Variants in DHX29 observed in about 807,000 individuals in gnomAD.
DHX29 encodes DExH-box helicase 29.
A neutral mutation model predicts 167.9 loss-of-function variants in DHX29; 79 were observed. The ratio of observed to expected loss-of-function variants is 0.47; its 90% CI spans 0.39 to 0.57. The LOEUF (loss-of-function observed/expected upper bound fraction) is 0.57, where lower values mean the gene tolerates loss of function less well. Ranked by LOEUF, DHX29 falls within the 20% of genes least tolerant of loss-of-function variation. The pLI, the probability that DHX29 is intolerant of heterozygous loss-of-function variation, is 0.00. For missense variants in DHX29, 1,347 were observed against 1,593.4 expected (o/e 0.85, Z 2.63); for synonymous variants, 530 against 546.0 (o/e 0.97, Z 0.41).
chr5:55,267,609 A>G, intron 22 of DHX29, 77 bp downstream of exon 22: 1 of 1,292,152 alleles, frequency 7.7e-7, no homozygotes, highest in Non-Finnish European at 1.0e-6. Context: ...CAATTTTAAT[A>G]AGTCAAAGGT....
In DHX29 at chr5:55,272,124, C is replaced by T. The variant is rs1309248274; in HGVS notation, c.2827G>A (p.Val943Ile). The T allele has an allele frequency of 3.8e-6, 6 of 1,581,822 alleles. No individual in the cohort carries two copies. The highest frequency in any genetic ancestry group is 1.4e-5 in the African/African-American group (1 of 72,934). ...GTTCTTCCAGTATCAATTACAAATA[C>T]AACATCAGGAATAGTGATACCCGTC... Reference protein sequence around the residue: ...AETGITIPDVVFVIDTGRTKE... With the variant: ...AETGITIPDVIFVIDTGRTKE... Residue 943 changes from valine (V) to isoleucine (I), a missense_variant, in exon 18 of 27, where the codon GTA becomes ATA. By Grantham distance (29) the Val-to-Ile change is conservative (BLOSUM62 3). Around this residue, in one of 3 missense-constraint regions of DHX29, gnomAD observed 882 missense variants for 1,082.4 expected, o/e 0.81. Coordinates refer to ENST00000251636, the MANE Select transcript of DHX29 (RefSeq NM_019030.4).
At chr5:55,272,040 C>A in intron 18 of DHX29, 47 bp downstream of exon 18, 1 of 1,141,882 alleles carries the variant, frequency 8.8e-7, no homozygotes, top group Non-Finnish European at 1.3e-6. Context: ...AGAGCCCCAA[C>A]CTCTTTCCAG....
chr5:55,281,291 ATGTTATCTAGTAT>A, intron 12 of DHX29, 68 bp downstream of exon 12: 1 of 1,203,792 alleles, frequency 8.3e-7, no homozygotes, highest in Non-Finnish European at 1.1e-6. Flanking sequence ...CATAAAGAAA[ATGTTATCTAGTAT>A]TAGGAGTAAC....
chr5:55,269,535 C>T lies in DHX29; in HGVS notation c.3172G>A (p.Ala1058Thr). The T allele has an allele frequency of 3.7e-6, 6 of 1,614,104 alleles. No homozygotes were observed. Among genetic ancestry groups the T allele is most frequent in the Non-Finnish European group, 4.2e-6 (5 of 1,180,026 alleles). Residue 1058 changes from alanine to threonine, a missense_variant, in exon 21 of 27, where the codon GCT (alanine) becomes ACT (threonine). Coordinates refer to ENST00000251636, the MANE Select transcript of DHX29 (RefSeq NM_019030.4). ...AGTTTAGGCTCATTTAATTCACAAG[C>T]TCCAATTTTTCGGAGCAAATTCATT... Reference protein sequence around the residue: ...NAMNLLRKIGACELNEPKLTP... With the variant: ...NAMNLLRKIGTCELNEPKLTP...
chr5:55,266,523 G>C (rs528849433), intron 23 of DHX29, among the ~76,000 whole-genome samples: 2 of 150,310 alleles, frequency 1.3e-5, no homozygotes, highest in South Asian at 4.2e-4. Flanking sequence ...TGGTCAGGCT[G>C]GTCTCAAACT....
At chr5:55,273,990 A>G (rs1421208080) in intron 16 of DHX29, among the ~76,000 whole-genome samples, 3 of 151,558 alleles carry the variant, frequency 2.0e-5, no homozygotes, top group African/African-American at 7.3e-5. Flanking sequence ...GGGGAGGTTG[A>G]GGCAGGAGAA....
At chr5:55,271,434 C>T (rs1429413455) in intron 18 of DHX29, among the ~76,000 whole-genome samples, 2 of 152,142 alleles carry the variant, frequency 1.3e-5, no homozygotes, top group African/African-American at 4.8e-5. Context: ...AGTTCGAGAC[C>T]AGCCTGGCCA....
chr5:55,269,205 T>C (rs542956117), intron 21 of DHX29, among the ~76,000 whole-genome samples: 4 of 147,448 alleles, frequency 2.7e-5, no homozygotes, highest in Non-Finnish European at 4.5e-5. Flanking sequence ...GATTGCACCA[T>C]TGCTCCCCAG....
chr5:55,304,997 T>C (rs1430294864), intron 1 of DHX29, among the ~76,000 whole-genome samples: 1 of 152,236 alleles, frequency 6.6e-6, no homozygotes, highest in East Asian at 1.9e-4. Flanking sequence ...CTAGTTTTTT[T>C]CTCTTGATTT....
intron 3 of DHX29, among the ~76,000 whole-genome samples, chr5:55,296,776 T>C (rs1287216560): frequency 6.6e-6 from 1 of 151,960 alleles, no homozygotes; most frequent in Admixed American, 6.6e-5. Flanking sequence ...ACTTAGGACA[T>C]ATTTTTTTTT....
chr5:55,298,114 C>T (rs955956619), intron 2 of DHX29, among the ~76,000 whole-genome samples: 1 of 151,756 alleles, frequency 6.6e-6, no homozygotes, highest in Non-Finnish European at 1.5e-5. Flanking sequence ...AATAGTAGAA[C>T]CACCAAGAAA....
intron 12 of DHX29, among the ~76,000 whole-genome samples, chr5:55,277,696 G>A (rs779112197): frequency 2.0e-5 from 3 of 151,760 alleles, no homozygotes; most frequent in Non-Finnish European, 2.9e-5. Context: ...ACCTGACATC[G>A]GGAGTTTGAG....
At position 55,294,443 on chromosome 5, in the gene DHX29, AG is replaced by A. The variant is rs1579811317; in HGVS notation, c.652-299del. 2.0e-5 allele frequency among the ~76,000 whole-genome samples: 3 copies of A among 152,282 alleles called. No individual in the cohort carries two copies. The East Asian group carries it at 5.8e-4, about 29-fold the overall frequency. On this transcript the variant is annotated intron_variant, in intron 5 of 26. Coordinates refer to ENST00000251636, the MANE Select transcript of DHX29 (RefSeq NM_019030.4). ...TAATCCCAGCACTTCGGGAGGCCAA[AG>A]CGGGCGGATCACAAGGTCAGGAGAT...
At chr5:55,287,676 C>T (rs1010463021) in intron 8 of DHX29, among the ~76,000 whole-genome samples, 1 of 151,888 alleles carries the variant, frequency 6.6e-6, no homozygotes, top group South Asian at 2.1e-4. Context: ...TGGCCAGATG[C>T]GGTGGCTCAT....
chr5:55,270,915 A>C (rs1746824133), intron 18 of DHX29, among the ~76,000 whole-genome samples: 1 of 152,232 alleles, frequency 6.6e-6, no homozygotes, highest in Non-Finnish European at 1.5e-5. Flanking sequence ...TGGCAAAAGA[A>C]AAAAATTATT....
At chr5:55,281,349 A>G in intron 12 of DHX29, 23 bp downstream of exon 12, 1 of 1,480,004 alleles carries the variant, frequency 6.8e-7, no homozygotes, top group Non-Finnish European at 9.0e-7. Context: ...AAATTTTTGA[A>G]TACAACTATA....
intron 23 of DHX29, among the ~76,000 whole-genome samples, chr5:55,263,976 G>C (rs1473497962): frequency 5.9e-5 from 9 of 151,468 alleles, no homozygotes; most frequent in Non-Finnish European, 1.3e-4. Flanking sequence ...TTATGTGAGA[G>C]ATACATTATT....
chr5:55,258,641 C>G (rs1202773807), intron 26 of DHX29, among the ~76,000 whole-genome samples: 1 of 152,116 alleles, frequency 6.6e-6, no homozygotes, highest in Non-Finnish European at 1.5e-5. Context: ...GCTCTGTCAC[C>G]CAGACTGGAG....
At chr5:55,294,491 G>A (rs552357112) in intron 5 of DHX29, among the ~76,000 whole-genome samples, 6 of 152,258 alleles carry the variant, frequency 3.9e-5, no homozygotes, top group Non-Finnish European at 5.9e-5. Flanking sequence ...TGGCTAACAC[G>A]GTGAAACCCC....
Sources: gnomAD v4.1 joint callset for allele counts (sites outside exome capture counted in the v4.1 genomes callset) on GRCh38, gnomAD v4.1.1 for gene constraint, gnomAD v4.1.1 regional missense constraint, MANE v1.5 for transcripts, NCBI Gene and HGNC (gene_info 2026-07-23, HGNC 2026-07-21) for gene names.